The following PI4K2A variants were observed in gnomAD, a reference collection of about 807,000 sequenced individuals.
The protein encoded by PI4K2A is phosphatidylinositol 4-kinase type 2-alpha.
PI4K2A carries 20 observed loss-of-function variants against 55.0 expected under a neutral mutation model. The ratio of observed to expected loss-of-function variants is 0.36; its 90% CI spans 0.26 to 0.53. PI4K2A has a LOEUF of 0.53. Ranked by LOEUF, PI4K2A falls within the 20% of genes least tolerant of loss-of-function variation. The pLI is 0.91. For synonymous variants in PI4K2A, 235 were observed against 258.5 expected (o/e 0.91, Z 0.87); for missense variants, 463 against 637.1 (o/e 0.73, Z 2.94).
chr10:97,664,869 T>G lies in PI4K2A; in HGVS notation c.985-16T>G. 6.3e-7 allele frequency: 1 copy of G among 1,595,290 alleles called. No individual in the cohort carries two copies. The highest frequency in any genetic ancestry group is 1.1e-5 in the South Asian group (1 of 90,666). On this transcript the variant is annotated splice_polypyrimidine_tract_variant and intron_variant, in intron 5 of 8. Coordinates refer to ENST00000370631, the Ensembl canonical transcript of PI4K2A. The stretch of plus-strand genomic sequence containing the variant: ...AGATGGGTTTCCTCAGTCATTAGTC[T>G]TTCCTTGCTCTTCAGGACACAGACT...
In PI4K2A at chr10:97,666,575, A is replaced by G; in HGVS notation, c.1218+4A>G. 6.2e-7 allele frequency: 1 copy of G among 1,605,678 alleles called. No homozygotes were observed. The highest frequency in any genetic ancestry group is 8.5e-7 in the Non-Finnish European group (1 of 1,177,212). ...GGACCTATATGAACTCTTCAAGGTT[A>G]GCCCTGGGAACCTCAGCCCTATTAT... On this transcript the variant is annotated splice_donor_region_variant and intron_variant, in intron 7 of 8. Coordinates refer to ENST00000370631, the Ensembl canonical transcript of PI4K2A.
Position 97,667,125 on chromosome 10 carries a change from G to A in PI4K2A, c.1278+5G>A, listed in dbSNP as rs1471852953. On this transcript the variant is annotated splice_donor_5th_base_variant and intron_variant, in intron 8 of 8. Coordinates refer to ENST00000370631, the Ensembl canonical transcript of PI4K2A. ...ATTGCTGTCATGCGGGGCCAGGTAA[G>A]CCTGGGACATCCTCCCAGTATCTTT... The A allele has an allele frequency of 1.2e-6, 2 of 1,606,108 alleles. No individual in the cohort carries two copies. The highest frequency in any genetic ancestry group is 1.7e-6 in the Non-Finnish European group (2 of 1,172,786).
At chr10:97,676,195 C>G (rs2041663829) in exon 9 of PI4K2A, 1 of 152,138 alleles carries the variant, frequency 6.6e-6, no homozygotes, top group Non-Finnish European at 1.5e-5. Context: ...GATCCAGGTC[C>G]TCATTTCCAA....
At chr10:97,645,404 A>G (rs1360930104) in intron 1 of PI4K2A, among the ~76,000 whole-genome samples, 2 of 152,000 alleles carry the variant, frequency 1.3e-5, no homozygotes, top group Admixed American at 1.3e-4. Context: ...GTCAGGAGAT[A>G]GAGACCATCC....
Position 97,667,139 on chromosome 10 carries a change from C to T in PI4K2A, c.1278+19C>T, listed in dbSNP as rs368876637. 29 of 1,592,248 alleles carry T rather than the reference C, an allele frequency of 1.8e-5. No homozygotes were observed. In the African/African-American group the frequency reaches 3.6e-4, roughly 20 times the overall value. On this transcript the variant is annotated intron_variant, in intron 8 of 8. Transcript: ENST00000370631. ...GGGCCAGGTAAGCCTGGGACATCCT[C>T]CCAGTATCTTTGGCGTCTCTGGGAG...
chr10:97,663,516 C>CT (rs34921397), intron 5 of PI4K2A, among the ~76,000 whole-genome samples: 115 of 141,762 alleles, frequency 8.1e-4, no homozygotes, highest in African/African-American at 1.2e-3. Context: ...TCTTTTCTTT[C>CT]TTTTTTTTTT....
chr10:97,667,502 G>A (rs113148564), intron 8 of PI4K2A, among the ~76,000 whole-genome samples: 5 of 152,244 alleles, frequency 3.3e-5, no homozygotes, highest in African/African-American at 1.2e-4. Flanking sequence ...GAGGCCCTGC[G>A]CCCGGCCGTG....
rs778254788 is a variant in PI4K2A, at chr10:97,640,888, C to T, written c.146C>T (p.Pro49Leu). Residue 49 changes from proline (P) to leucine (L), a missense_variant, in exon 1 of 9, where the codon CCG becomes CTG. Pro to Leu is a moderately conservative substitution (Grantham distance 98). Around this residue, in one of 2 missense-constraint regions of PI4K2A, gnomAD observed 186 missense variants for 204.5 expected, o/e 0.91. Transcript: ENST00000370631. ...GCGGCCGGCTCGGGCCCCTCTCCGCCGGGCTCGCCGGGCCACGACCGCGAG... is the reference window on the plus strand; with the variant it reads ...GCGGCCGGCTCGGGCCCCTCTCCGCTGGGCTCGCCGGGCCACGACCGCGAG... 4.9e-5 allele frequency: 64 copies of T among 1,296,284 alleles called. 4 individuals carry two copies. In the South Asian group the frequency reaches 1.5e-3, roughly 31 times the overall value. The allele number at this position is 1,296,284 out of a possible 1,614,324, so 80.3% of individuals were successfully genotyped here.
At chr10:97,640,732 C>T in exon 1 of PI4K2A, 3 of 1,482,116 alleles carry the variant, frequency 2.0e-6, no homozygotes, top group South Asian at 1.3e-5. Context: ...CCGGAGCCGG[C>T]TGTCTGAGGG....
intron 1 of PI4K2A, among the ~76,000 whole-genome samples, chr10:97,644,050 A>C (rs550260044): frequency 6.6e-6 from 1 of 152,214 alleles, no homozygotes; most frequent in African/African-American, 2.4e-5. Context: ...AGAGTCAGTC[A>C]TCAGAATTTC....
intron 2 of PI4K2A, among the ~76,000 whole-genome samples, chr10:97,655,778 T>C (rs543697543): frequency 6.6e-6 from 1 of 152,120 alleles, no homozygotes; most frequent in African/African-American, 2.4e-5. Context: ...TTTAACCATG[T>C]TGGCCAGGCT....
intron 8 of PI4K2A, among the ~76,000 whole-genome samples, chr10:97,667,533 CG>C (rs1564776949): frequency 6.6e-6 from 1 of 152,092 alleles, no homozygotes; most frequent in East Asian, 1.9e-4. Context: ...TTTTTAAGTC[CG>C]TTGTGTACAT....
chr10:97,645,500 C>T (rs1313348148), intron 1 of PI4K2A, among the ~76,000 whole-genome samples: 9 of 149,134 alleles, frequency 6.0e-5, no homozygotes, highest in Admixed American at 2.0e-4. Context: ...CCCAGCTACT[C>T]GGGAGGCTGA....
intron 2 of PI4K2A, among the ~76,000 whole-genome samples, chr10:97,651,540 G>A (rs1434291101): frequency 6.6e-6 from 1 of 152,090 alleles, no homozygotes; most frequent in Non-Finnish European, 1.5e-5. Context: ...ACTTCTGCAG[G>A]GTCTGACAAG....
At chr10:97,640,750 A>G (rs2041462510) in exon 1 of PI4K2A, 3 of 1,506,150 alleles carry the variant, frequency 2.0e-6, no homozygotes, top group Admixed American at 4.4e-5. Context: ...GGGATGGACG[A>G]GACGAGCCCA....
chr10:97,660,614 A>C (rs900286898), intron 4 of PI4K2A, among the ~76,000 whole-genome samples: 3 of 150,692 alleles, frequency 2.0e-5, no homozygotes, highest in Non-Finnish European at 4.4e-5. Context: ...TAATATATGC[A>C]CTTCAGACTT....
intron 7 of PI4K2A, 149 bp from the exon 8 acceptor site, chr10:97,666,912 C>A: frequency 1.5e-6 from 1 of 666,692 alleles, no homozygotes. Flanking sequence ...ATCTGTAAAG[C>A]AGGGAGTTCT....
At chr10:97,673,591 T>G in exon 9 of PI4K2A, 1 of 1,614,130 alleles carries the variant, frequency 6.2e-7, no homozygotes, top group Non-Finnish European at 8.5e-7. Flanking sequence ...ATCTTAAATC[T>G]GACCCAGGCC....
At chr10:97,661,375 CTTTT>C (rs35506472) in intron 4 of PI4K2A, among the ~76,000 whole-genome samples, 13 of 146,192 alleles carry the variant, frequency 8.9e-5, no homozygotes, top group Non-Finnish European at 1.5e-4. Context: ...GAGATAAAGA[CTTTT>C]TTTTTTTTTT....
Sources: allele counts gnomAD v4.1 joint callset (sites outside exome capture counted in the v4.1 genomes callset), GRCh38; gene constraint gnomAD v4.1.1; regional missense constraint gnomAD v4.1.1; transcripts MANE v1.5; gene names NCBI Gene and HGNC (gene_info 2026-07-23, HGNC 2026-07-21).